Variants in BRD8 observed in about 807,000 individuals in gnomAD.
BRD8 encodes bromodomain containing 8.
BRD8 carries 67 observed loss-of-function variants against 143.1 expected under a neutral mutation model. That is an observed-to-expected ratio of 0.47 (90% CI 0.38 to 0.57). The LOEUF is 0.57. Ranked by LOEUF, BRD8 falls within the 20% of genes least tolerant of loss-of-function variation. The pLI is 0.00. For missense variants in BRD8, 1,103 were observed against 1,503.0 expected (o/e 0.73, Z 4.40); for synonymous variants, 505 against 517.1 (o/e 0.98, Z 0.32).
Position 138,171,130 on chromosome 5 carries a change from C to T in BRD8, c.267G>A (p.Val89=), listed in dbSNP as rs765892988. 4 of 1,613,178 alleles carry T rather than the reference C, an allele frequency of 2.5e-6. No homozygotes were observed. The highest frequency in any genetic ancestry group is 1.3e-5 in the African/African-American group (1 of 74,830). Residue 89 remains valine, a synonymous_variant, in exon 5 of 27, where the codon GTG becomes GTA. Transcript: ENST00000254900. ...KRKRGEKGEV[V]ETVEDVIVRK... is the part of the protein sequence containing the mutation. ...GAACAATAACATCTTCAACAGTTTC[C>T]ACCACTTCTCCCTTTTCACCTCGTT...
chr5:138,166,427 G>A (rs992962972), intron 10 of BRD8, 91 bp downstream of exon 10: 1 of 737,270 alleles, frequency 1.4e-6, no homozygotes. Context: ...CAGAGAAGAA[G>A]CATCTGAATC....
intron 2 of BRD8, among the ~76,000 whole-genome samples, chr5:138,174,912 T>C (rs1754193833): frequency 1.3e-5 from 2 of 149,472 alleles, no homozygotes; most frequent in South Asian, 4.2e-4. Flanking sequence ...TTTTTTGAGA[T>C]GGCGTCTTGC....
At chr5:138,171,340 A>T in intron 4 of BRD8, 21 bp downstream of exon 4, 1 of 1,597,336 alleles carries the variant, frequency 6.3e-7, no homozygotes, top group Non-Finnish European at 8.6e-7. Context: ...ATATGGCTGA[A>T]GTACCTGGCT....
intron 25 of BRD8, among the ~76,000 whole-genome samples, chr5:138,142,081 T>C (rs1361865040): frequency 6.6e-6 from 1 of 152,228 alleles, no homozygotes; most frequent in African/African-American, 2.4e-5. Context: ...AATTAATTCA[T>C]GAGTGCTCTG....
intron 20 of BRD8, among the ~76,000 whole-genome samples, chr5:138,153,210 C>T (rs1351765395): frequency 6.6e-6 from 1 of 152,180 alleles, no homozygotes; most frequent in Non-Finnish European, 1.5e-5. Context: ...AACCATTAAA[C>T]CTTCAAAACA....
At position 138,149,499 on chromosome 5, in the gene BRD8, A is replaced by T. The variant is rs1752295171; in HGVS notation, c.3278+141T>A. Reference sequence around the variant, plus strand: ...ATAGACTTCTATTTATATGATGTTAAAATTATACTTAATTAATTATATTTT... The same window carrying T: ...ATAGACTTCTATTTATATGATGTTATAATTATACTTAATTAATTATATTTT... On this transcript the variant is annotated intron_variant, in intron 23 of 26. Coordinates refer to ENST00000254900, the MANE Select transcript of BRD8 (RefSeq NM_139199.2). 1.2e-5 allele frequency: 8 copies of T among 678,968 alleles called. No individual in the cohort carries two copies. The South Asian group carries it at 1.5e-4, about 13-fold the overall frequency. 42.1% of individuals were successfully genotyped at this position (678,968 alleles called of 1,614,324 possible). A position where few individuals can be genotyped will look rare whatever the true frequency, so the allele number is the denominator to read the frequency against.
Position 138,152,681 on chromosome 5 carries a change from A to C in BRD8, c.2657T>G (p.Leu886Arg), listed in dbSNP as rs780209773. ...DSELSNDCRS[L>R]FSSWDSSLDL... ...CAGACTGGAGTCCCATGAGCTGAAG[A>C]GGGACCTGCAGTCATTGCTCAACTC... The change falls in exon 21 of 27, where the codon CTC (leucine) becomes CGC (arginine). Residue 886 changes from leucine to arginine, a missense_variant. Physicochemically the swap from Leu to Arg is moderately radical, Grantham distance 102. Around this residue, in one of 7 missense-constraint regions of BRD8, gnomAD observed 369 missense variants for 445.5 expected, o/e 0.83. Transcript: ENST00000254900. 9.3e-6 allele frequency: 15 copies of C among 1,614,198 alleles called. No individual in the cohort carries two copies. Among genetic ancestry groups the C allele is most frequent in the Non-Finnish European group, 1.3e-5 (15 of 1,180,038 alleles).
intron 12 of BRD8, 64 bp downstream of exon 12, chr5:138,164,650 A>T: frequency 6.4e-7 from 1 of 1,565,176 alleles, no homozygotes; most frequent in Non-Finnish European, 8.7e-7. Flanking sequence ...CAAAAAGCCT[A>T]AGCTGTCACT....
chr5:138,152,423 A>G, intron 21 of BRD8, 59 bp downstream of exon 21: 14 of 1,586,456 alleles, frequency 8.8e-6, no homozygotes, highest in Non-Finnish European at 1.2e-5. Context: ...ATGTAAGGAT[A>G]AGCATTCTCT....
intron 23 of BRD8, among the ~76,000 whole-genome samples, chr5:138,146,104 C>CTGGA (rs1561598661): frequency 6.6e-6 from 1 of 152,164 alleles, no homozygotes. Context: ...GTTGCCCAGG[C>CTGGA]TGGAGTGCAG....
intron 25 of BRD8, among the ~76,000 whole-genome samples, chr5:138,144,898 C>CAAAA (rs34496046): frequency 4.1e-4 from 42 of 103,452 alleles, no homozygotes; most frequent in African/African-American, 5.2e-4. Context: ...GAGACCCTGT[C>CAAAA]AAAAAAAAAA....
At chr5:138,176,027 T>G (rs1561623697) in intron 2 of BRD8, among the ~76,000 whole-genome samples, 1 of 152,054 alleles carries the variant, frequency 6.6e-6, no homozygotes, top group African/African-American at 2.4e-5. Flanking sequence ...TCCACAACCT[T>G]GTACACGAAT....
At chr5:138,157,375 C>G in intron 20 of BRD8, 1 of 1,448,368 alleles carries the variant, frequency 6.9e-7, no homozygotes, top group South Asian at 1.2e-5. Flanking sequence ...GGAAGAGAAT[C>G]AGCAGAAAAA....
chr5:138,151,754 C>T (rs918000015), intron 21 of BRD8, among the ~76,000 whole-genome samples: 3 of 152,228 alleles, frequency 2.0e-5, no homozygotes, highest in Non-Finnish European at 4.4e-5. Flanking sequence ...ACTTCCGCCT[C>T]CCGGGTTCAA....
chr5:138,167,875 GGTCA>G (rs776866776), intron 9 of BRD8, 55 bp downstream of exon 9: 77 of 1,468,196 alleles, frequency 5.2e-5, no homozygotes, highest in Admixed American at 2.0e-4. Flanking sequence ...GTGAAACTGA[GGTCA>G]GTCAATGTCA....
rs1380972581 is a variant in BRD8 at position 138,174,947 on chromosome 5, T to A, written c.116+2624A>T. On this transcript the variant is annotated intron_variant, in intron 2 of 26. Coordinates refer to ENST00000254900, the MANE Select transcript of BRD8 (RefSeq NM_139199.2). ...CTCTGTTGCCCAGGCTGGAGTGCAG[T>A]GGCACGATCTCAAATCACTGCAAGC... Among the ~76,000 whole-genome samples the A allele has an allele frequency of 2.0e-5, 3 of 151,352 alleles. No individual in the cohort carries two copies. The South Asian group carries it at 6.3e-4, about 32-fold the overall frequency.
chr5:138,169,246 G>A lies in BRD8; in HGVS notation c.618C>T (p.Thr206=). ...GDYPLGDLTP[T]TMEEATSGVN... is the part of the protein sequence containing the mutation. ...CCCCAGAGGTAGCCTCTTCCATAGT[G>A]GTTGGAGTCAAGTCCCCAAGTGGAT... Residue 206 remains threonine, a synonymous_variant, in exon 8 of 27, where the codon ACC becomes ACT. Coordinates refer to ENST00000254900, the MANE Select transcript of BRD8 (RefSeq NM_139199.2). The A allele has an allele frequency of 6.2e-7, 1 of 1,614,034 alleles. No individual in the cohort carries two copies. Among genetic ancestry groups the A allele is most frequent in the African/African-American group, 1.3e-5 (1 of 75,038 alleles).
rs1752347172 is a variant in BRD8, at chr5:138,150,836, T to C, written c.3029A>G (p.Glu1010Gly). The C allele has an allele frequency of 1.2e-6, 2 of 1,614,252 alleles. No individual in the cohort carries two copies. The highest frequency in any genetic ancestry group is 1.7e-6 in the Non-Finnish European group (2 of 1,180,050). Residue 1010 changes from glutamate (E) to glycine (G), a missense_variant, in exon 22 of 27, where the codon GAA (glutamate) becomes GGA (glycine). Physicochemically the swap from Glu to Gly is moderately conservative, Grantham distance 98 (BLOSUM62 -2). Transcript: ENST00000254900. ...CTTTCCATTTTCTCCCAGTGGCTTT[T>C]CAGCTACTAAGGGGTCTCCTTTAGC... ...LSAKGDPLVAEKPLGENGKPE... is the reference protein window; with the variant it reads ...LSAKGDPLVAGKPLGENGKPE...
intron 17 of BRD8, 149 bp from the exon 18 acceptor site, chr5:138,161,217 C>G (rs1752972378): frequency 3.6e-6 from 2 of 562,282 alleles, no homozygotes; most frequent in Non-Finnish European, 6.1e-6. Flanking sequence ...CCAAAACATG[C>G]ACTTAACCCA....
Sources: allele counts gnomAD v4.1 joint callset (sites outside exome capture counted in the v4.1 genomes callset), GRCh38; gene constraint gnomAD v4.1.1; regional missense constraint gnomAD v4.1.1; transcripts MANE v1.5; gene names NCBI Gene and HGNC (gene_info 2026-07-23, HGNC 2026-07-21).